CMSS1: variants seen among roughly 807,000 people sequenced by gnomAD.
The protein encoded by CMSS1 is cms1 ribosomal small subunit homolog, also known as protein CMSS1.
In CMSS1, 33 loss-of-function variants were observed where a neutral mutation model predicts 43.5. The ratio of observed to expected loss-of-function variants is 0.76; its 90% CI spans 0.57 to 1.01. CMSS1 has a LOEUF of 1.01. CMSS1 is among the 50% of genes least tolerant of loss of function. CMSS1 has a pLI of 0.00. For missense variants in CMSS1, 313 were observed against 326.4 expected, an observed-to-expected ratio of 0.96 and a Z score of 0.32; for synonymous variants, 115 against 117.2, an observed-to-expected ratio of 0.98 and a Z score of 0.12.
intron 1 of CMSS1, among the ~76,000 whole-genome samples, chr3:99,983,424 G>GTA (rs1559713470): frequency 1.5e-4 from 8 of 54,422 alleles, no homozygotes; most frequent in Non-Finnish European, 2.4e-4. Context: ...ATATATGTAT[G>GTA]TATGTATGTA....
At chr3:99,896,455 G>T (rs1706255791) in intron 1 of CMSS1, among the ~76,000 whole-genome samples, 1 of 152,074 alleles carries the variant, frequency 6.6e-6, no homozygotes, top group African/African-American at 2.4e-5. Flanking sequence ...GGGGATTTTG[G>T]TTTTTTTCAT....
chr3:99,967,147 G>T (rs4928150), intron 1 of CMSS1, among the ~76,000 whole-genome samples: 87,606 of 152,028 alleles, frequency 0.58, 25,458 homozygotes, highest in East Asian at 0.73. Context: ...GATTAGGTCT[G>T]GCAATGGATA....
At chr3:99,969,288 G>A (rs1374509193) in intron 1 of CMSS1, among the ~76,000 whole-genome samples, 1 of 152,176 alleles carries the variant, frequency 6.6e-6, no homozygotes, top group East Asian at 1.9e-4. Flanking sequence ...TGCAGAGAAG[G>A]ATGTAGCCTT....
At chr3:100,035,693 G>A (rs1576659539) in intron 1 of CMSS1, among the ~76,000 whole-genome samples, 1 of 152,152 alleles carries the variant, frequency 6.6e-6, no homozygotes, top group Non-Finnish European at 1.5e-5. Context: ...TTCTGATATA[G>A]GGGTATTTCT....
At chr3:100,122,808 A>G (rs2066632551) in intron 1 of CMSS1, among the ~76,000 whole-genome samples, 2 of 152,262 alleles carry the variant, frequency 1.3e-5, no homozygotes, top group African/African-American at 4.8e-5. Context: ...GGTCCTGGTT[A>G]AAATGAATAC....
chr3:99,898,855 T>C (rs1410891466), intron 1 of CMSS1: 1 of 152,070 alleles, frequency 6.6e-6, no homozygotes, highest in African/African-American at 2.4e-5. Context: ...CTATTACATA[T>C]GAATACCAGA....
At position 100,006,266 on chromosome 3, in the gene CMSS1, T is replaced by C. The variant is rs184561294; in HGVS notation, c.65-140707T>C. Among the ~76,000 whole-genome samples the C allele has an allele frequency of 2.6e-5, 4 of 152,256 alleles. No homozygotes were observed. In the East Asian group the frequency reaches 7.7e-4, roughly 29 times the overall value. On this transcript the variant is annotated intron_variant, in intron 1 of 9. Coordinates refer to ENST00000421999, the MANE Select transcript of CMSS1 (RefSeq NM_032359.4). Reference sequence around the variant, plus strand: ...CCCTCAACTGATCTTTGGCTCTTATTTAAATTTTGTTTTTGTTGTCTTTGA... The same window carrying C: ...CCCTCAACTGATCTTTGGCTCTTATCTAAATTTTGTTTTTGTTGTCTTTGA...
chr3:99,848,636 G>T (rs1462797701), intron 1 of CMSS1: 1 of 1,614,058 alleles, frequency 6.2e-7, no homozygotes, highest in African/African-American at 1.3e-5. Flanking sequence ...CCCTGCTCAG[G>T]AGAGCTAGCT....
chr3:99,890,511 A>G (rs749937853), intron 1 of CMSS1, among the ~76,000 whole-genome samples: 3 of 152,020 alleles, frequency 2.0e-5, no homozygotes, highest in Non-Finnish European at 4.4e-5. Flanking sequence ...GACTTTCTTT[A>G]TCTTCACATC....
chr3:99,899,482 A>G (rs1046011438), intron 1 of CMSS1, among the ~76,000 whole-genome samples: 6 of 152,206 alleles, frequency 3.9e-5, no homozygotes, highest in African/African-American at 1.4e-4. Flanking sequence ...TAATGACACA[A>G]CTAAACAAGT....
chr3:100,119,909 C>G (rs917397619), intron 1 of CMSS1, among the ~76,000 whole-genome samples: 1 of 152,132 alleles, frequency 6.6e-6, no homozygotes, highest in Non-Finnish European at 1.5e-5. Flanking sequence ...AGACAAATAT[C>G]TCCAAGTTTA....
At chr3:100,161,253 T>C (rs143912266) in intron 3 of CMSS1, among the ~76,000 whole-genome samples, 1 of 152,320 alleles carries the variant, frequency 6.6e-6, no homozygotes, top group African/African-American at 2.4e-5. Context: ...TGAGAGTGTG[T>C]GTGCATATGT....
intron 7 of CMSS1, 166 bp from the exon 8 acceptor site, chr3:100,172,150 A>G (rs2067115358): frequency 1.5e-6 from 1 of 657,422 alleles, no homozygotes; most frequent in Non-Finnish European, 2.6e-6. Flanking sequence ...GAAGATTACC[A>G]GTTTTCTAGG....
At chr3:99,925,707 G>A (rs17313676) in intron 1 of CMSS1, 2,142 of 201,754 alleles carry the variant, frequency 0.011, 19 homozygotes, top group African/African-American at 0.026. Flanking sequence ...AAGAGTGAGA[G>A]CACCAAGGAC....
intron 1 of CMSS1, among the ~76,000 whole-genome samples, chr3:99,974,419 CATT>C (rs1488378253): frequency 3.3e-5 from 5 of 152,068 alleles, no homozygotes; most frequent in Admixed American, 2.6e-4. Context: ...AATAAAAACT[CATT>C]ATTTGGGCTG....
intron 1 of CMSS1, among the ~76,000 whole-genome samples, chr3:99,981,048 G>A (rs1709107157): frequency 1.3e-5 from 2 of 152,296 alleles, no homozygotes; most frequent in South Asian, 2.1e-4. Flanking sequence ...ATACAGGGGT[G>A]AGGGAAGAGG....
At chr3:99,860,959 G>A (rs552903941) in intron 1 of CMSS1, among the ~76,000 whole-genome samples, 7 of 152,022 alleles carry the variant, frequency 4.6e-5, no homozygotes, top group East Asian at 1.9e-4. Context: ...TCTTTATGCC[G>A]TTTACTCAGA....
At position 99,828,824 on chromosome 3, in the gene CMSS1, C is replaced by T. The variant is rs1942587850; in HGVS notation, c.64+10781C>T. On this transcript the variant is annotated intron_variant, in intron 1 of 9. Transcript: ENST00000421999. Reference sequence around the variant, plus strand: ...TGCTTTCCTTTCACTTCGACTTTTCCATTTCAGGCTTTTAATTCACTTGAC... The same window carrying T: ...TGCTTTCCTTTCACTTCGACTTTTCTATTTCAGGCTTTTAATTCACTTGAC... Among the ~76,000 whole-genome samples, 3 of 152,008 alleles carry T rather than the reference C, an allele frequency of 2.0e-5. 1 individual carries two copies. In the South Asian group the frequency reaches 6.2e-4, roughly 32 times the overall value.
intron 1 of CMSS1, among the ~76,000 whole-genome samples, chr3:99,942,434 AT>A (rs1707877421): frequency 6.6e-6 from 1 of 152,242 alleles, no homozygotes; most frequent in Non-Finnish European, 1.5e-5. Context: ...TAAAGAGAAC[AT>A]GGGTTTTATT....
Sources: gnomAD v4.1 joint callset for allele counts (sites outside exome capture counted in the v4.1 genomes callset) on GRCh38, gnomAD v4.1.1 for gene constraint, MANE v1.5 for transcripts, NCBI Gene and HGNC (gene_info 2026-07-23, HGNC 2026-07-21) for gene names.